The following ADAMTS13 variants were observed in gnomAD, a reference collection of about 807,000 sequenced individuals.
ADAMTS13 encodes the protein A disintegrin and metalloproteinase with thrombospondin motifs 13.
ADAMTS13 carries 110 observed loss-of-function variants against 155.1 expected under a neutral mutation model. That is an observed-to-expected ratio of 0.71 (90% CI 0.61 to 0.83). The LOEUF (loss-of-function observed/expected upper bound fraction) is 0.83. Ranked by LOEUF, ADAMTS13 falls within the 40% of genes least tolerant of loss-of-function variation. The probability of loss-of-function intolerance (pLI) is 0.00; values close to 1 mark genes in which losing one functional copy is unlikely to be tolerated. For synonymous variants in ADAMTS13, 758 were observed against 756.4 expected (o/e 1.00, Z -0.03); for missense variants, 1,707 against 1,891.7 (o/e 0.90, Z 1.81).
rs1440880399 is a variant in ADAMTS13 at position 133,425,506 on chromosome 9, C to T, written c.331-23C>T. On this transcript the variant is annotated intron_variant, in intron 3 of 28. Transcript: ENST00000355699. This position sits in a 1 kb window ranked among gnomAD's most constrained non-coding sequence, Gnocchi z 4.6. ...TGGCAATGCCCACCCGACGGGTTACCTCTCTCATCTGCCCTTGCACAGGGG... is the reference window on the plus strand; with the variant it reads ...TGGCAATGCCCACCCGACGGGTTACTTCTCTCATCTGCCCTTGCACAGGGG... 1.2e-6 allele frequency: 2 copies of T among 1,607,924 alleles called. No homozygotes were observed. The highest frequency in any genetic ancestry group is 8.5e-7 in the Non-Finnish European group (1 of 1,177,532).
intron 27 of ADAMTS13, among the ~76,000 whole-genome samples, chr9:133,457,339 C>T (rs1554796395): frequency 6.6e-6 from 1 of 152,236 alleles, no homozygotes; most frequent in Admixed American, 6.5e-5. Flanking sequence ...GGGGCTTAGC[C>T]TCTGCAGAGA....
In ADAMTS13 at chr9:133,445,828, C is replaced by T. The variant is rs1554792446; in HGVS notation, c.2731+9C>T. 1 of 1,568,856 alleles carries T rather than the reference C, an allele frequency of 6.4e-7. No homozygotes were observed. The highest frequency in any genetic ancestry group is 1.3e-5 in the African/African-American group (1 of 74,186). ...CGTCTCCTGCGGGCGAGGTGAGGGCCCCCGGGATGCTCCTGGGGACCAGCA... is the reference window on the plus strand; with the variant it reads ...CGTCTCCTGCGGGCGAGGTGAGGGCTCCCGGGATGCTCCTGGGGACCAGCA... On this transcript the variant is annotated intron_variant, in intron 21 of 28. Transcript: ENST00000355699. The surrounding 1 kb of genome is among the most constrained non-coding windows in gnomAD (Gnocchi z 5.0).
chr9:133,424,442 G>A lies in ADAMTS13; in HGVS notation c.294G>A (p.Glu98=). Residue 98 remains glutamate (E), a synonymous_variant, in exon 3 of 29, where the codon GAG becomes GAA. Transcript: ENST00000355699. The surrounding 1 kb of genome is among the most constrained non-coding windows in gnomAD (Gnocchi z 4.3). ...VGPDVFQAHQ[E]DTERYVLTNL... ...CCGATGTCTTCCAGGCTCACCAGGA[G>A]GACACAGAGCGCTATGTGCTCACCA... is the stretch of plus-strand genomic sequence containing the variant. The A allele has an allele frequency of 1.2e-6, 2 of 1,613,894 alleles. No homozygotes were observed. Among genetic ancestry groups the A allele is most frequent in the South Asian group, 2.2e-5 (2 of 91,076 alleles).
In ADAMTS13 at chr9:133,424,465, C is replaced by A. The variant is rs782681039; in HGVS notation, c.317C>A (p.Thr106Asn). Reference protein sequence around the residue: ...HQEDTERYVLTNLNIGAELLR... With the variant: ...HQEDTERYVLNNLNIGAELLR... ...GAGGACACAGAGCGCTATGTGCTCA[C>A]CAACCTCAACATCGTGAGTGCCCCA... Residue 106 changes from threonine (T) to asparagine (N), a missense_variant, in exon 3 of 29, where the codon ACC becomes AAC. Coordinates refer to ENST00000355699, the MANE Select transcript of ADAMTS13 (RefSeq NM_139027.6). This position sits in a 1 kb window ranked among gnomAD's most constrained non-coding sequence, Gnocchi z 4.3. The A allele has an allele frequency of 6.2e-7, 1 of 1,613,716 alleles. No homozygotes were observed. The highest frequency in any genetic ancestry group is 8.5e-7 in the Non-Finnish European group (1 of 1,179,844).
intron 11 of ADAMTS13, among the ~76,000 whole-genome samples, chr9:133,435,002 T>C (rs28868680): frequency 0.26 from 39,487 of 152,070 alleles, 6,435 homozygotes; most frequent in South Asian, 0.39. Flanking sequence ...ACTGCAGGGA[T>C]AGACCACATT....
intron 28 of ADAMTS13, among the ~76,000 whole-genome samples, chr9:133,458,363 C>T (rs186334599): frequency 6.6e-6 from 1 of 152,148 alleles, no homozygotes; most frequent in East Asian, 1.9e-4. Context: ...CGAGACCAGC[C>T]TGGCCAACAT....
Position 133,443,332 on chromosome 9 carries a change from C to G in ADAMTS13, c.2235-44C>G, listed in dbSNP as rs1186488766. On this transcript the variant is annotated intron_variant, in intron 18 of 28. Transcript: ENST00000355699. ...CTGCCACCCCATCACCCCAGGCCAG[C>G]CTGGGACCTGGCCAGGGTCCCGACG... The G allele has an allele frequency of 4.5e-6, 7 of 1,563,162 alleles. No homozygotes were observed. In the East Asian group the frequency reaches 1.6e-4, roughly 36 times the overall value.
At chr9:133,455,501 G>A (rs782044988) in intron 25 of ADAMTS13, 66 bp downstream of exon 25, 2 of 1,612,058 alleles carry the variant, frequency 1.2e-6, no homozygotes, top group East Asian at 2.2e-5. Flanking sequence ...CACCCCTGCT[G>A]GTGCCTCCCT....
chr9:133,431,013 T>G (rs187494593), intron 8 of ADAMTS13, among the ~76,000 whole-genome samples: 108 of 152,188 alleles, frequency 7.1e-4, no homozygotes, highest in Admixed American at 1.5e-3. Flanking sequence ...TTGCCCAGGG[T>G]GGAGTGCAGT....
At chr9:133,433,551 T>C in intron 10 of ADAMTS13, 22 bp downstream of exon 10, 1 of 1,613,720 alleles carries the variant, frequency 6.2e-7, no homozygotes, top group Non-Finnish European at 8.5e-7. Context: ...AGGGTGCTTT[T>C]CTGTCAGGGA....
At chr9:133,432,738 G>C in intron 9 of ADAMTS13, 46 bp downstream of exon 9, 1 of 1,532,228 alleles carries the variant, frequency 6.5e-7, no homozygotes, top group Non-Finnish European at 8.8e-7. Flanking sequence ...GCACGTGCAC[G>C]TGGGTGCCTC....
intron 1 of ADAMTS13, 90 bp downstream of exon 1, chr9:133,422,638 G>A (rs1462235235): frequency 7.6e-7 from 1 of 1,308,742 alleles, no homozygotes; most frequent in African/African-American, 1.5e-5. Context: ...CCAAATAGCT[G>A]ACTACATCAG....
chr9:133,442,778 G>T, intron 18 of ADAMTS13, 35 bp downstream of exon 18: 1 of 1,602,734 alleles, frequency 6.2e-7, no homozygotes. Flanking sequence ...CTCCAAGGGG[G>T]AGAGAGGGTT....
chr9:133,420,471 C>G (rs959416848), upstream of ADAMTS13, among the ~76,000 whole-genome samples: 3 of 152,222 alleles, frequency 2.0e-5, no homozygotes, highest in South Asian at 2.1e-4. Context: ...AGAAAGAGGT[C>G]GTCTTTTGTA....
At position 133,426,331 on chromosome 9, in the gene ADAMTS13, T is replaced by C; in HGVS notation, c.672T>C (p.His224=). The change falls in exon 6 of 29, where the codon CAT becomes CAC. Residue 224 remains histidine, a synonymous_variant. Transcript: ENST00000355699. ...TCGACCTGGGAGTCACCATTGCCCATGAGATTGGGCACAGGTATGTAGCCC... is the reference window on the plus strand; with the variant it reads ...TCGACCTGGGAGTCACCATTGCCCACGAGATTGGGCACAGGTATGTAGCCC... ...TGFDLGVTIA[H]EIGHSFGLEH... The C allele has an allele frequency of 6.2e-7, 1 of 1,601,666 alleles. No homozygotes were observed. Among genetic ancestry groups the C allele is most frequent in the Non-Finnish European group, 8.5e-7 (1 of 1,179,828 alleles).
chr9:133,447,324 C>T (rs1000758961), intron 21 of ADAMTS13, among the ~76,000 whole-genome samples: 8 of 151,788 alleles, frequency 5.3e-5, no homozygotes, highest in African/African-American at 1.9e-4. Flanking sequence ...AAAAAGAAAA[C>T]CTCTGTCACC....
rs781952016 is a variant in ADAMTS13, at chr9:133,458,970, T to C, written c.3910-4T>C. 4.5e-5 allele frequency: 72 copies of C among 1,612,594 alleles called. No individual in the cohort carries two copies. The highest frequency in any genetic ancestry group is 5.6e-5 in the Non-Finnish European group (66 of 1,179,782). On this transcript the variant is annotated splice_polypyrimidine_tract_variant and splice_region_variant and intron_variant, in intron 28 of 28. Coordinates refer to ENST00000355699, the MANE Select transcript of ADAMTS13 (RefSeq NM_139027.6). ...GTCCTTCTGGGCTGCCCCTTTTCTCTCAGATCCGGGACACCCACAGCTTGA... is the reference window on the plus strand; with the variant it reads ...GTCCTTCTGGGCTGCCCCTTTTCTCCCAGATCCGGGACACCCACAGCTTGA...
At chr9:133,427,509 G>A (rs1840362182) in intron 6 of ADAMTS13, among the ~76,000 whole-genome samples, 1 of 152,088 alleles carries the variant, frequency 6.6e-6, no homozygotes, top group East Asian at 1.9e-4. Context: ...GTTCCTGGGT[G>A]TGGGACAAGG....
chr9:133,442,493 G>A lies in ADAMTS13; in HGVS notation c.2063G>A (p.Trp688Ter), dbSNP rs1554791108. The part of the protein sequence containing the change: ...FQPKPRQAWV[W>*]AAVRGPCSVS... ...CCTAAGCCACGGCAGGCCTGGGTGT[G>A]GGCCGCTGTGCGTGGGCCCTGCTCG... Residue 688 changes from tryptophan (W) to a stop codon, truncating the protein, a stop_gained, in exon 17 of 29, where the codon TGG becomes TAG. Coordinates refer to ENST00000355699, the MANE Select transcript of ADAMTS13 (RefSeq NM_139027.6). LOFTEE classifies it high-confidence loss of function. 1 of 1,613,698 alleles carries A rather than the reference G, an allele frequency of 6.2e-7. No individual in the cohort carries two copies. The highest frequency in any genetic ancestry group is 1.1e-5 in the South Asian group (1 of 91,086).
Sources: gnomAD v4.1 joint callset for allele counts (sites outside exome capture counted in the v4.1 genomes callset) on GRCh38, gnomAD v4.1.1 for gene constraint, Gnocchi (gnomAD v3.1) non-coding constraint, MANE v1.5 for transcripts, NCBI Gene and HGNC (gene_info 2026-07-23, HGNC 2026-07-21) for gene names.